The following KCNU1 variants were observed in gnomAD, a reference collection of about 807,000 sequenced individuals.
KCNU1 encodes potassium calcium-activated channel subfamily U member 1, also known as potassium channel subfamily U member 1.
Under a neutral mutation model 126.8 loss-of-function variants are expected in KCNU1, and 93 were observed. That is an observed-to-expected ratio of 0.73 (90% CI 0.62 to 0.87). KCNU1 has a LOEUF of 0.87. KCNU1 is among the 40% of genes least tolerant of loss of function. The probability of loss-of-function intolerance (pLI) is 0.00; values close to 1 mark genes in which losing one functional copy is unlikely to be tolerated. For missense variants in KCNU1, 1,330 were observed against 1,367.1 expected (o/e 0.97, Z 0.43); for synonymous variants, 523 against 494.2 (o/e 1.06, Z -0.77).
intron 26 of KCNU1, among the ~76,000 whole-genome samples, chr8:36,935,102 C>T (rs1045819977): frequency 6.6e-6 from 1 of 152,038 alleles, no homozygotes; most frequent in Non-Finnish European, 1.5e-5. Flanking sequence ...AATATTGTGC[C>T]AGCTGAATTC....
chr8:36,889,984 C>A (rs1002854016), intron 19 of KCNU1, among the ~76,000 whole-genome samples: 64 of 152,090 alleles, frequency 4.2e-4, no homozygotes, highest in African/African-American at 1.3e-3. Flanking sequence ...AAAGAAAAAA[C>A]CCCATCAACC....
intron 18 of KCNU1, among the ~76,000 whole-genome samples, chr8:36,857,284 A>G (rs894743307): frequency 6.6e-6 from 1 of 152,188 alleles, no homozygotes; most frequent in Admixed American, 6.5e-5. Flanking sequence ...CCTATAAATG[A>G]GAGCTGTGAA....
At chr8:36,890,392 G>T (rs1806911797) in intron 19 of KCNU1, among the ~76,000 whole-genome samples, 1 of 151,894 alleles carries the variant, frequency 6.6e-6, no homozygotes, top group African/African-American at 2.4e-5. Flanking sequence ...GAAATACTCT[G>T]CAATAAGCTA....
At chr8:36,827,837 G>A (rs1320022621) in intron 10 of KCNU1, among the ~76,000 whole-genome samples, 1 of 152,084 alleles carries the variant, frequency 6.6e-6, no homozygotes, top group East Asian at 1.9e-4. Flanking sequence ...TTGATAGTGG[G>A]AGTGAAAATA....
At chr8:36,869,749 A>G (rs140740140) in intron 19 of KCNU1, among the ~76,000 whole-genome samples, 2 of 152,288 alleles carry the variant, frequency 1.3e-5, no homozygotes, top group African/African-American at 4.8e-5. Flanking sequence ...TGTAGTGCCT[A>G]ATATACATAG....
chr8:36,933,020 C>G lies in KCNU1; in HGVS notation c.3032C>G (p.Pro1011Arg). ...YRIIDEEELNPENKRFVITRP... is the reference protein window; with the variant it reads ...YRIIDEEELNRENKRFVITRP... ...ATAATTGATGAAGAGGAGCTCAACC[C>G]AGAAAACAAAAGGGGAGTGTGCTAG... Residue 1011 changes from proline (P) to arginine (R), a missense_variant, in exon 26 of 27, where the codon CCA (proline) becomes CGA (arginine). Transcript: ENST00000399881. 1 of 1,553,222 alleles carries G rather than the reference C, an allele frequency of 6.4e-7. No homozygotes were observed. Among genetic ancestry groups the G allele is most frequent in the Non-Finnish European group, 8.7e-7 (1 of 1,144,862 alleles).
At chr8:36,840,275 TAGTTG>T (rs2130573743) in intron 14 of KCNU1, among the ~76,000 whole-genome samples, 183 bp from the exon 15 acceptor site, 1 of 152,298 alleles carries the variant, frequency 6.6e-6, no homozygotes, top group South Asian at 2.1e-4. Flanking sequence ...CTGGTGAAAA[TAGTTG>T]AGATGGAGTT....
intron 19 of KCNU1, among the ~76,000 whole-genome samples, chr8:36,903,967 T>C (rs1807522736): frequency 6.6e-6 from 1 of 152,136 alleles, no homozygotes; most frequent in South Asian, 2.1e-4. Context: ...TACCTCCCAC[T>C]GGGTCCCTCC....
intron 2 of KCNU1, among the ~76,000 whole-genome samples, chr8:36,787,730 AT>A (rs1802761224): frequency 6.8e-6 from 1 of 147,968 alleles, no homozygotes; most frequent in Admixed American, 6.8e-5. Context: ...ATAATGTATA[AT>A]ACATTATCCG....
At chr8:36,880,866 T>A (rs1806449963) in intron 19 of KCNU1, among the ~76,000 whole-genome samples, 1 of 152,106 alleles carries the variant, frequency 6.6e-6, no homozygotes, top group South Asian at 2.1e-4. Context: ...AAAAGAAAGA[T>A]GCACAGAAAG....
At chr8:36,852,253 A>G (rs1805376684) in intron 18 of KCNU1, among the ~76,000 whole-genome samples, 1 of 152,112 alleles carries the variant, frequency 6.6e-6, no homozygotes, top group South Asian at 2.1e-4. Flanking sequence ...TTTTTTATAC[A>G]TTGTTGGGTT....
chr8:36,930,943 T>A lies in KCNU1; in HGVS notation c.2737-8T>A, dbSNP rs1339904131. 1.9e-6 allele frequency: 3 copies of A among 1,592,692 alleles called. No individual in the cohort carries two copies. Among genetic ancestry groups the A allele is most frequent in the Middle Eastern group, 3.4e-4 (2 of 5,956 alleles). ...TGACTTTGCATGTGGCTTGTCCTTGTTTTCCAGGCCTTCTACAATTATCAT... is the reference window on the plus strand; with the variant it reads ...TGACTTTGCATGTGGCTTGTCCTTGATTTCCAGGCCTTCTACAATTATCAT... On this transcript the variant is annotated splice_polypyrimidine_tract_variant and splice_region_variant and intron_variant, in intron 24 of 26. Coordinates refer to ENST00000399881, the MANE Select transcript of KCNU1 (RefSeq NM_001031836.3).
Position 36,918,820 on chromosome 8 carries a change from C to T in KCNU1, c.2522-3C>T. 1.3e-6 allele frequency: 2 copies of T among 1,586,190 alleles called. No homozygotes were observed. Among genetic ancestry groups the T allele is most frequent in the Non-Finnish European group, 1.7e-6 (2 of 1,154,910 alleles). ...CATTTATCACCTCTTTTCTTCTTTG[C>T]AGAGGAGACTCCAGGTTACACAAAT... On this transcript the variant is annotated splice_polypyrimidine_tract_variant and splice_region_variant and intron_variant, in intron 22 of 26. Coordinates refer to ENST00000399881, the MANE Select transcript of KCNU1 (RefSeq NM_001031836.3).
intron 18 of KCNU1, among the ~76,000 whole-genome samples, chr8:36,859,522 A>G (rs1391271288): frequency 6.6e-6 from 1 of 152,150 alleles, no homozygotes; most frequent in Non-Finnish European, 1.5e-5. Context: ...GGCGAAAAAC[A>G]TGTTAGCTTT....
chr8:36,881,374 C>T (rs1049642091), intron 19 of KCNU1, among the ~76,000 whole-genome samples: 2 of 152,118 alleles, frequency 1.3e-5, no homozygotes, highest in African/African-American at 2.4e-5. Context: ...AGTCATGAGC[C>T]ACCATGCCCA....
In KCNU1 at chr8:36,787,339, C is replaced by T; in HGVS notation, c.229C>T (p.His77Tyr). 6.2e-7 allele frequency: 1 copy of T among 1,611,810 alleles called. No individual in the cohort carries two copies. Among genetic ancestry groups the T allele is most frequent in the Non-Finnish European group, 8.5e-7 (1 of 1,178,652 alleles). The change falls in exon 2 of 27, where the codon CAT becomes TAT. Residue 77 changes from histidine (H) to tyrosine (Y), a missense_variant. Physicochemically the swap from His to Tyr is moderately conservative, Grantham distance 83 (BLOSUM62 2). Around this residue, in one of 3 missense-constraint regions of KCNU1, gnomAD observed 247 missense variants for 255.4 expected, o/e 0.97. Transcript: ENST00000399881. Reference sequence around the variant, plus strand: ...CACATCAGGTACCATCGCTAGGAGCCATGTAAGAAGCCTCCACTTCCAGGG... The same window carrying T: ...CACATCAGGTACCATCGCTAGGAGCTATGTAAGAAGCCTCCACTTCCAGGG... ...LFTSGTIARS[H>Y]VRSLHFQGQF... is the part of the protein sequence containing the mutation.
chr8:36,931,722 G>T (rs955881927), intron 25 of KCNU1, among the ~76,000 whole-genome samples: 1 of 152,048 alleles, frequency 6.6e-6, no homozygotes, highest in African/African-American at 2.4e-5. Flanking sequence ...AAATGCTAAA[G>T]AAATCTGATA....
At position 36,930,989 on chromosome 8, in the gene KCNU1, G is replaced by C. The variant is rs1189412886; in HGVS notation, c.2775G>C (p.Met925Ile). 3.1e-6 allele frequency: 5 copies of C among 1,608,438 alleles called. No homozygotes were observed. The African/African-American group carries it at 6.7e-5, about 22-fold the overall frequency. ...ATCATGTCCTGGAATTGCTTCAGAT[G>C]CTGGTGACAGGAGGAGTAAGTTCTC... is the stretch of plus-strand genomic sequence containing the variant. ...YNYHVLELLQ[M>I]LVTGGVSSQL... Residue 925 changes from methionine to isoleucine, a missense_variant, in exon 25 of 27, where the codon ATG becomes ATC. This residue lies in a region of KCNU1 where 1,054 missense variants were observed against 1,053.9 expected (regional missense o/e 1.00). Transcript: ENST00000399881.
chr8:36,812,935 G>T (rs1427329823), intron 7 of KCNU1, among the ~76,000 whole-genome samples: 1 of 152,156 alleles, frequency 6.6e-6, no homozygotes, highest in African/African-American at 2.4e-5. Flanking sequence ...CTTTGTACAT[G>T]TTGTGCAGGG....
Sources: gnomAD v4.1 joint callset for allele counts (sites outside exome capture counted in the v4.1 genomes callset) on GRCh38, gnomAD v4.1.1 for gene constraint, gnomAD v4.1.1 regional missense constraint, MANE v1.5 for transcripts, NCBI Gene and HGNC (gene_info 2026-07-23, HGNC 2026-07-21) for gene names.